HFM1: variants seen among roughly 807,000 people sequenced by gnomAD.
HFM1 encodes helicase for meiosis 1.
HFM1 carries 169 observed loss-of-function variants against 192.1 expected under a neutral mutation model. That is an observed-to-expected ratio of 0.88 (90% CI 0.78 to 1.00). HFM1 has a LOEUF of 1.00. HFM1 is among the 50% of genes least tolerant of loss of function. HFM1 has a pLI of 0.00. For missense variants in HFM1, 1,661 were observed against 1,668.0 expected (o/e 1.00, Z 0.07); for synonymous variants, 525 against 537.8 (o/e 0.98, Z 0.33).
At chr1:91,375,748 T>G (rs1034705031) in intron 11 of HFM1, 21 bp from the exon 12 acceptor site, 10 of 1,603,604 alleles carry the variant, frequency 6.2e-6, no homozygotes, top group Non-Finnish European at 7.7e-6. Context: ...CAAAAATATG[T>G]GCATTAAAAT....
At chr1:91,377,784 G>C (rs146097798) in intron 11 of HFM1, 76 of 474,714 alleles carry the variant, frequency 1.6e-4, no homozygotes, top group African/African-American at 1.5e-3. Flanking sequence ...AGGAAACTAA[G>C]ACTGTTAGAT....
rs962424681 is a variant in HFM1 at position 91,287,176 on chromosome 1, G to A, written c.3392-10114C>T. ...AGCCCACCACAGCTCATGGAGGCCT[G>A]CCTGCCTCTGTAGGCTCCACCTCTG... On this transcript the variant is annotated intron_variant, in intron 30 of 38. Coordinates refer to ENST00000370425, the MANE Select transcript of HFM1 (RefSeq NM_001017975.6). Among the ~76,000 whole-genome samples the A allele has an allele frequency of 2.5e-4, 38 of 152,222 alleles. 1 individual carries two copies. Among genetic ancestry groups the A allele is most frequent in the African/African-American group, 8.2e-4 (34 of 41,472 alleles).
At chr1:91,303,485 G>T (rs1450244861) in intron 30 of HFM1, among the ~76,000 whole-genome samples, 3 of 152,100 alleles carry the variant, frequency 2.0e-5, no homozygotes, top group Non-Finnish European at 4.4e-5. Context: ...TCATGTCTAA[G>T]TTTTTGTATG....
intron 30 of HFM1, among the ~76,000 whole-genome samples, chr1:91,281,226 A>G (rs1667437894): frequency 2.0e-5 from 3 of 152,188 alleles, no homozygotes; most frequent in African/African-American, 7.2e-5. Context: ...AGAGATATAC[A>G]GAAGGTAAAA....
Position 91,351,649 on chromosome 1 carries a change from G to C in HFM1, c.1978-6C>G. ...GCAGTAGCTGTAGTGTCAAACTGGG[G>C]AGAAAACAAACAGAAATTTAGTGAA... On this transcript the variant is annotated splice_polypyrimidine_tract_variant and splice_region_variant and intron_variant, in intron 16 of 38. Transcript: ENST00000370425. The C allele has an allele frequency of 1.3e-6, 2 of 1,535,636 alleles. No homozygotes were observed. The highest frequency in any genetic ancestry group is 1.8e-6 in the Non-Finnish European group (2 of 1,122,018).
chr1:91,287,560 A>AG (rs1395302761), intron 30 of HFM1, among the ~76,000 whole-genome samples: 1 of 152,202 alleles, frequency 6.6e-6, no homozygotes, highest in African/African-American at 2.4e-5. Flanking sequence ...CCACAAAGAT[A>AG]GGGAAAAAAC....
At chr1:91,400,022 C>G (rs1193103971) in intron 2 of HFM1, among the ~76,000 whole-genome samples, 1 of 152,162 alleles carries the variant, frequency 6.6e-6, no homozygotes, top group Non-Finnish European at 1.5e-5. Flanking sequence ...TGTGTTTAAT[C>G]TCTTCAACTA....
At chr1:91,395,023 G>GTATA (rs149719832) in intron 3 of HFM1, among the ~76,000 whole-genome samples, 3 of 151,642 alleles carry the variant, frequency 2.0e-5, no homozygotes, top group Non-Finnish European at 2.9e-5. Flanking sequence ...TTTGATATAA[G>GTATA]TATATATATA....
intron 13 of HFM1, among the ~76,000 whole-genome samples, chr1:91,366,941 C>T (rs11165127): frequency 0.017 from 2,639 of 152,300 alleles, 69 homozygotes; most frequent in African/African-American, 0.06. Context: ...TCTTAGCAAA[C>T]GGCACACCAG....
chr1:91,355,819 A>C (rs1571078618), intron 13 of HFM1, among the ~76,000 whole-genome samples: 1 of 152,316 alleles, frequency 6.6e-6, no homozygotes, highest in East Asian at 1.9e-4. Flanking sequence ...CCAGACCGAA[A>C]GTTAACAAAG....
chr1:91,299,064 T>C (rs971913783), intron 30 of HFM1, among the ~76,000 whole-genome samples: 12 of 152,000 alleles, frequency 7.9e-5, no homozygotes, highest in Admixed American at 1.3e-4. Context: ...CAGAGACACA[T>C]ATAGGCTCAA....
intron 11 of HFM1, among the ~76,000 whole-genome samples, chr1:91,376,805 A>G (rs1660963240): frequency 6.6e-6 from 1 of 151,960 alleles, no homozygotes; most frequent in African/African-American, 2.4e-5. Flanking sequence ...GTGTTAGGAT[A>G]CAGGAAAATA....
intron 20 of HFM1, chr1:91,328,785 A>C (rs1653336050): frequency 5.6e-6 from 9 of 1,611,106 alleles, no homozygotes; most frequent in Admixed American, 1.7e-5. Context: ...AAGGTCACTA[A>C]GCAGCACAAC....
rs1485529613 is a variant in HFM1 at position 91,284,725 on chromosome 1, A to G, written c.3392-7663T>C. ...TGAGAGCAGGCCTGAAAATTTTTTA[A>G]TTTTTGTTTTTACAACTTAAAAATA... On this transcript the variant is annotated intron_variant, in intron 30 of 38. Coordinates refer to ENST00000370425, the MANE Select transcript of HFM1 (RefSeq NM_001017975.6). 1.3e-5 allele frequency among the ~76,000 whole-genome samples: 2 copies of G among 152,196 alleles called. 1 individual carries two copies. Among genetic ancestry groups the G allele is most frequent in the Non-Finnish European group, 2.9e-5 (2 of 68,028 alleles).
chr1:91,355,674 G>A (rs1258586008), intron 13 of HFM1, among the ~76,000 whole-genome samples: 1 of 152,092 alleles, frequency 6.6e-6, no homozygotes. Context: ...CATAAGAATT[G>A]TAAATATATA....
At position 91,383,650 on chromosome 1, in the gene HFM1, T is replaced by C. The variant is rs1202025231; in HGVS notation, c.802+1537A>G. ...TTCTCTAGCACAGCTATGCAATATC[T>C]GGAATTCATTTTTCATTTTGTCAAC... is the stretch of plus-strand genomic sequence containing the variant. On this transcript the variant is annotated intron_variant, in intron 6 of 38. Coordinates refer to ENST00000370425, the MANE Select transcript of HFM1 (RefSeq NM_001017975.6). Among the ~76,000 whole-genome samples, 4 of 152,320 alleles carry C rather than the reference T, an allele frequency of 2.6e-5. No homozygotes were observed. In the East Asian group the frequency reaches 7.7e-4, roughly 29 times the overall value.
At chr1:91,390,477 G>A (rs1662827396) in intron 4 of HFM1, among the ~76,000 whole-genome samples, 1 of 149,934 alleles carries the variant, frequency 6.7e-6, no homozygotes, top group South Asian at 2.1e-4. Context: ...AAGGAAGGAA[G>A]GAGGGAGGCA....
intron 13 of HFM1, among the ~76,000 whole-genome samples, chr1:91,362,851 A>T (rs1278013007): frequency 2.6e-5 from 4 of 152,188 alleles, no homozygotes; most frequent in Admixed American, 2.6e-4. Context: ...GGAAAAGAAT[A>T]GAGAACCCAG....
At chr1:91,362,396 A>C (rs1027218239) in intron 13 of HFM1, among the ~76,000 whole-genome samples, 1 of 152,184 alleles carries the variant, frequency 6.6e-6, no homozygotes, top group Non-Finnish European at 1.5e-5. Flanking sequence ...CTATACACCA[A>C]CAACAGGCAG....
Sources: gnomAD v4.1 joint callset for allele counts (sites outside exome capture counted in the v4.1 genomes callset) on GRCh38, gnomAD v4.1.1 for gene constraint, MANE v1.5 for transcripts, NCBI Gene and HGNC (gene_info 2026-07-23, HGNC 2026-07-21) for gene names.